Variants in RAD54L observed in about 807,000 individuals in gnomAD.
RAD54L encodes RAD54 like.
A neutral mutation model predicts 91.6 loss-of-function variants in RAD54L; 74 were observed. The observed-to-expected ratio is 0.81, with a 90% CI of 0.67 to 0.98. The LOEUF (loss-of-function observed/expected upper bound fraction) is 0.98. RAD54L is among the 50% of genes least tolerant of loss of function. The pLI is 0.00. For synonymous variants in RAD54L, 304 were observed against 349.7 expected, an observed-to-expected ratio of 0.87 and a Z score of 1.46; for missense variants, 887 against 945.7, an observed-to-expected ratio of 0.94 and a Z score of 0.81.
rs763413573 is a variant in RAD54L at position 46,260,091 on chromosome 1, G to A, written c.399G>A (p.Lys133=). The A allele has an allele frequency of 1.9e-6, 3 of 1,614,116 alleles. No homozygotes were observed. In the African/African-American group the frequency reaches 4.0e-5, roughly 22 times the overall value. ...CGCTGAGCGCTCATGACCAGCTGAA[G>A]CTTGACAAGTATGTGCACTGGTATT... is the stretch of plus-strand genomic sequence containing the variant. ...PPPLSAHDQL[K]LDKEKLPVHV... The change falls in exon 5 of 18, where the codon AAG becomes AAA. Residue 133 remains lysine, a synonymous_variant. Coordinates refer to ENST00000371975, the MANE Select transcript of RAD54L (RefSeq NM_003579.4).
intron 2 of RAD54L, among the ~76,000 whole-genome samples, chr1:46,249,778 A>T (rs1203017291): frequency 1.3e-5 from 2 of 152,142 alleles, no homozygotes; most frequent in African/African-American, 4.8e-5. Flanking sequence ...TGCCCCGCTC[A>T]GTTTAGGCAG....
chr1:46,272,167 C>T (rs551670120), intron 10 of RAD54L, among the ~76,000 whole-genome samples: 6 of 150,892 alleles, frequency 4.0e-5, no homozygotes, highest in East Asian at 2.0e-4. Flanking sequence ...CTCAGCTTCC[C>T]GAGTAGCTGG....
At position 46,248,325 on chromosome 1, in the gene RAD54L, C is replaced by T. The variant is rs575525444; in HGVS notation, c.-81C>T. ...TAGCAGCCCCCTCTACAGATTAGAC[C>T]CTGGTCCTACACTCTTAGCCGCTGC... On this transcript the variant is annotated 5_prime_UTR_variant, in exon 1 of 18. Coordinates refer to ENST00000371975, the MANE Select transcript of RAD54L (RefSeq NM_003579.4). 2.9e-5 allele frequency: 46 copies of T among 1,559,930 alleles called. 1 individual carries two copies. The East Asian group carries it at 7.6e-4, about 26-fold the overall frequency.
intron 6 of RAD54L, 38 bp from the exon 7 acceptor site, chr1:46,260,689 G>GT: frequency 6.2e-7 from 1 of 1,614,120 alleles, no homozygotes; most frequent in South Asian, 1.1e-5. Flanking sequence ...CAGCAGCAGC[G>GT]TAGGTGCCAA....
intron 3 of RAD54L, 85 bp downstream of exon 3, chr1:46,250,204 G>C: frequency 1.3e-6 from 2 of 1,554,380 alleles, no homozygotes; most frequent in East Asian, 2.2e-5. Context: ...CACTCCCTCA[G>C]TGCTTTCTAG....
At chr1:46,270,547 G>T in intron 9 of RAD54L, 112 bp from the exon 10 acceptor site, 1 of 1,433,552 alleles carries the variant, frequency 7.0e-7, no homozygotes, top group South Asian at 1.2e-5. Context: ...ATTTTGTTTA[G>T]CCTTGTTCTT....
chr1:46,274,671 G>A lies in RAD54L; in HGVS notation c.1823G>A (p.Trp608Ter). The A allele has an allele frequency of 6.2e-7, 1 of 1,614,112 alleles. No homozygotes were observed. Among genetic ancestry groups the A allele is most frequent in the Non-Finnish European group, 8.5e-7 (1 of 1,180,030 alleles). The change falls in exon 16 of 18, where the codon TGG (tryptophan) becomes TAG (stop). Residue 608 changes from tryptophan (W) to a stop codon, truncating the protein, a stop_gained. Coordinates refer to ENST00000371975, the MANE Select transcript of RAD54L (RefSeq NM_003579.4). LOFTEE classifies it high-confidence loss of function. ...ANDEQAMARV[W>*]RDGQKKTCYI... ...GATGAACAAGCCATGGCCCGGGTCT[G>A]GCGAGATGGTCAAAAGAAGACTTGC...
chr1:46,250,169 GCCTAGGTAGACT>G, intron 3 of RAD54L, 50 bp downstream of exon 3: 1 of 1,611,318 alleles, frequency 6.2e-7, no homozygotes, highest in South Asian at 1.1e-5. Flanking sequence ...CAGTCACTCA[GCCTAGGTAGACT>G]CCTGTCCCTG....
intron 16 of RAD54L, 114 bp downstream of exon 16, chr1:46,274,831 T>C (rs1240054948): frequency 1.2e-5 from 15 of 1,247,926 alleles, no homozygotes; most frequent in Non-Finnish European, 1.6e-5. Context: ...GTAGCCAAGC[T>C]ATGGGCCCAG....
chr1:46,251,656 C>T (rs1186777543), intron 3 of RAD54L, among the ~76,000 whole-genome samples: 1 of 152,180 alleles, frequency 6.6e-6, no homozygotes, highest in Admixed American at 6.5e-5. Flanking sequence ...CCTGTAATCC[C>T]AGCATTCTGG....
At chr1:46,262,614 T>G (rs549396284) in intron 8 of RAD54L, among the ~76,000 whole-genome samples, 2 of 152,162 alleles carry the variant, frequency 1.3e-5, no homozygotes, top group South Asian at 4.1e-4. Context: ...AATACACATT[T>G]GTCTGGGAGG....
At chr1:46,264,158 G>T (rs1465085938) in intron 8 of RAD54L, among the ~76,000 whole-genome samples, 3 of 152,140 alleles carry the variant, frequency 2.0e-5, no homozygotes, top group Non-Finnish European at 4.4e-5. Context: ...CTGACTCTGT[G>T]CAGGGCACAA....
rs763748241 is a variant in RAD54L at position 46,267,525 on chromosome 1, CG to C, written c.961del (p.Val321CysfsTer27). The C allele has an allele frequency of 1.1e-5, 17 of 1,613,980 alleles. No individual in the cohort carries two copies. In the South Asian group the frequency reaches 1.6e-4, roughly 16 times the overall value. ...CCTGGACAGCTTGAACACCAGCCGG[CG>C]GGTGCTCATCTCCGGAACTCCCATC... ...QALDSLNTSR[R>X]VLISGTPIQN... is the part of the protein sequence containing the mutation. On this transcript the variant is annotated frameshift_variant, in exon 9 of 18. Coordinates refer to ENST00000371975, the MANE Select transcript of RAD54L (RefSeq NM_003579.4). LOFTEE classifies it high-confidence loss of function.
intron 12 of RAD54L, 115 bp downstream of exon 12, chr1:46,272,917 C>A: frequency 6.9e-7 from 1 of 1,439,360 alleles, no homozygotes; most frequent in Non-Finnish European, 9.6e-7. Context: ...TCATAGAGGC[C>A]ACATGTGATT....
chr1:46,274,773 G>A, intron 16 of RAD54L, 56 bp downstream of exon 16: 1 of 1,605,018 alleles, frequency 6.2e-7, no homozygotes, highest in South Asian at 1.1e-5. Flanking sequence ...AGATCTTCAG[G>A]ACCATCTTGT....
At position 46,247,986 on chromosome 1, in the gene RAD54L, AC is replaced by A. The variant is rs1659691219; in HGVS notation, c.-419del. ...CTCGCCCTCCCCACCCGGGCCTCGG[AC>A]TTTCACCCCAGCTTCTCTCTCCTGG... On this transcript the variant is annotated 5_prime_UTR_variant, in exon 1 of 18. Coordinates refer to ENST00000371975, the MANE Select transcript of RAD54L (RefSeq NM_003579.4). 3.5e-6 allele frequency: 1 copy of A among 288,826 alleles called. No homozygotes were observed. Among genetic ancestry groups the A allele is most frequent in the Non-Finnish European group, 6.8e-6 (1 of 148,104 alleles). 17.9% of individuals were successfully genotyped at this position (288,826 alleles called of 1,614,324 possible).
intron 10 of RAD54L, among the ~76,000 whole-genome samples, chr1:46,271,803 G>C (rs2148299244): frequency 6.6e-6 from 1 of 152,186 alleles, no homozygotes; most frequent in East Asian, 1.9e-4. Context: ...GCGGGCATTT[G>C]GACAAATGCA....
At chr1:46,249,899 A>C (rs1659751123) in intron 2 of RAD54L, 101 bp from the exon 3 acceptor site, 1 of 1,308,682 alleles carries the variant, frequency 7.6e-7, no homozygotes, top group Non-Finnish European at 1.1e-6. Flanking sequence ...TGAAGAATTT[A>C]GCACAGTGCC....
At chr1:46,268,775 G>C (rs932648741) in intron 9 of RAD54L, among the ~76,000 whole-genome samples, 2 of 152,120 alleles carry the variant, frequency 1.3e-5, no homozygotes, top group Admixed American at 6.5e-5. Flanking sequence ...CTACTGGTTT[G>C]GTTTTGTTTG....
Sources: allele counts gnomAD v4.1 joint callset (sites outside exome capture counted in the v4.1 genomes callset), GRCh38; gene constraint gnomAD v4.1.1; transcripts MANE v1.5; gene names NCBI Gene and HGNC (gene_info 2026-07-23, HGNC 2026-07-21).